The following RIMS1 variants were observed in gnomAD, a reference collection of about 807,000 sequenced individuals.
RIMS1 encodes the protein regulating synaptic membrane exocytosis 1.
RIMS1 carries 83 observed loss-of-function variants against 214.1 expected under a neutral mutation model. The ratio of observed to expected loss-of-function variants is 0.39; its 90% CI spans 0.32 to 0.47. The LOEUF (loss-of-function observed/expected upper bound fraction) is 0.47, where lower values mean the gene tolerates loss of function less well. Ranked by LOEUF, RIMS1 falls within the 20% of genes least tolerant of loss-of-function variation. The pLI, the probability that RIMS1 is intolerant of heterozygous loss-of-function variation, is 0.99. For missense variants in RIMS1, 2,050 were observed against 2,161.8 expected (o/e 0.95, Z 1.03); for synonymous variants, 793 against 786.8 (o/e 1.01, Z -0.13).
intron 2 of RIMS1, among the ~76,000 whole-genome samples, chr6:72,059,567 G>A (rs1016942909): frequency 1.3e-5 from 2 of 152,086 alleles, no homozygotes; most frequent in Admixed American, 6.5e-5. Context: ...AATCATATTG[G>A]TTTAGACTTG....
chr6:72,130,379 G>A (rs916859489), intron 4 of RIMS1, among the ~76,000 whole-genome samples: 2 of 151,888 alleles, frequency 1.3e-5, no homozygotes, highest in African/African-American at 2.4e-5. Flanking sequence ...TTTCTGTGAG[G>A]TTTGAATATT....
rs1453713089 is a variant in RIMS1 at position 72,153,014 on chromosome 6, ATATG to A, written c.472-26559_472-26556del. 2.5e-3 allele frequency among the ~76,000 whole-genome samples: 18 copies of A among 7,072 alleles called. 1 individual carries two copies. The Non-Finnish European group carries it at 0.043, about 17-fold the overall frequency. The allele number at this position is 7,072 out of a possible 152,430, so 4.6% of individuals were successfully genotyped here. On this transcript the variant is annotated intron_variant, in intron 4 of 33. Transcript: ENST00000521978. ...GGAATATATGTTTATATATGTATAT[ATATG>A]TGTGTGTGTATATATGTGTGTGTGT... is the stretch of plus-strand genomic sequence containing the variant.
At chr6:72,357,891 A>G (rs1242679102) in intron 29 of RIMS1, among the ~76,000 whole-genome samples, 1 of 152,212 alleles carries the variant, frequency 6.6e-6, no homozygotes, top group Non-Finnish European at 1.5e-5. Flanking sequence ...AGATAAACAT[A>G]TATTAGGTCT....
chr6:72,121,518 T>G (rs979813031), intron 4 of RIMS1, among the ~76,000 whole-genome samples: 8 of 151,946 alleles, frequency 5.3e-5, no homozygotes, highest in Admixed American at 3.3e-4. Flanking sequence ...CTGAGACTTT[T>G]CTGAAGTTGC....
intron 13 of RIMS1, 87 bp downstream of exon 13, chr6:72,250,547 A>G (rs1288888893): frequency 1.0e-6 from 1 of 956,652 alleles, no homozygotes; most frequent in African/African-American, 1.7e-5. Context: ...TTTTTAAAAA[A>G]TATAATAGAT....
chr6:72,328,552 AAAAAC>A (rs1370064175), intron 28 of RIMS1, among the ~76,000 whole-genome samples: 3 of 151,810 alleles, frequency 2.0e-5, no homozygotes, highest in Non-Finnish European at 2.9e-5. Flanking sequence ...ACAAAAGTAT[AAAAAC>A]AAAATACCTT....
At chr6:71,914,805 A>G (rs964887487) in intron 1 of RIMS1, among the ~76,000 whole-genome samples, 3 of 152,140 alleles carry the variant, frequency 2.0e-5, no homozygotes, top group African/African-American at 7.2e-5. Context: ...TCTGATTACA[A>G]GCTTCTCAAA....
intron 2 of RIMS1, among the ~76,000 whole-genome samples, chr6:72,089,076 T>TG (rs1383131426): frequency 6.6e-6 from 1 of 152,070 alleles, no homozygotes; most frequent in East Asian, 1.9e-4. Context: ...TTGACATAGA[T>TG]TAGAGGATTG....
chr6:72,087,970 TTAA>T (rs1835105226), intron 2 of RIMS1, among the ~76,000 whole-genome samples: 1 of 152,178 alleles, frequency 6.6e-6, no homozygotes, highest in African/African-American at 2.4e-5. Flanking sequence ...ATTTCTGCTG[TTAA>T]TTATCAGTAC....
In RIMS1 at chr6:72,196,604, A is replaced by C. The variant is rs1186733208; in HGVS notation, c.1678+13455A>C. Among the ~76,000 whole-genome samples, 17 of 6,654 alleles carry C rather than the reference A, an allele frequency of 2.6e-3. 1 individual carries two copies. The highest frequency in any genetic ancestry group is 5.1e-3 in the African/African-American group (8 of 1,570). The allele number at this position is 6,654 out of a possible 152,430, so 4.4% of individuals were successfully genotyped here. On this transcript the variant is annotated intron_variant, in intron 6 of 33. Transcript: ENST00000521978. ...ACTTTTTTTTTTTTTTTTTTTTTTT[A>C]CCTATACAGGAAATGGGTTAAAAGG...
chr6:72,202,357 C>A (rs1334380352), intron 6 of RIMS1, among the ~76,000 whole-genome samples: 2 of 152,116 alleles, frequency 1.3e-5, no homozygotes, highest in Non-Finnish European at 2.9e-5. Flanking sequence ...TGTTCCAGGC[C>A]TTTCTCCCTG....
At chr6:72,174,207 G>C (rs933536466) in intron 4 of RIMS1, among the ~76,000 whole-genome samples, 1 of 152,092 alleles carries the variant, frequency 6.6e-6, no homozygotes, top group Non-Finnish European at 1.5e-5. Flanking sequence ...GAAATTCATT[G>C]TTATCTCCCT....
chr6:72,247,952 A>G, intron 11 of RIMS1, 63 bp from the exon 12 acceptor site: 2 of 1,091,712 alleles, frequency 1.8e-6, no homozygotes, highest in Non-Finnish European at 2.8e-6. Context: ...GGATGCATTT[A>G]ACATTTTATT....
intron 4 of RIMS1, among the ~76,000 whole-genome samples, chr6:72,121,199 G>C (rs570046151): frequency 6.6e-6 from 1 of 151,824 alleles, no homozygotes; most frequent in African/African-American, 2.4e-5. Context: ...GAAAATCATT[G>C]GTAGCTTGAT....
In RIMS1 at chr6:72,097,012, G is replaced by T. The variant is rs1190764396; in HGVS notation, c.309G>T (p.Arg103=). The change falls in exon 3 of 34, where the codon CGG becomes CGT. Residue 103 remains arginine, a synonymous_variant. Transcript: ENST00000521978. ...TGAGAAAAATAGGGGAAGAAGCGCG[G>T]CGTTACCAGGGCGAGCACAAAGACG... is the stretch of plus-strand genomic sequence containing the variant. ...EQVRKIGEEA[R]RYQGEHKDDA... 6.2e-7 allele frequency: 1 copy of T among 1,613,936 alleles called. No homozygotes were observed. The highest frequency in any genetic ancestry group is 1.7e-5 in the Admixed American group (1 of 60,014).
intron 4 of RIMS1, among the ~76,000 whole-genome samples, chr6:72,177,076 A>G (rs1403770790): frequency 1.3e-5 from 2 of 152,204 alleles, no homozygotes; most frequent in Non-Finnish European, 2.9e-5. Context: ...AATGAAGAGT[A>G]TCCTTTACCC....
At chr6:72,227,058 T>C (rs1386901600) in intron 6 of RIMS1, among the ~76,000 whole-genome samples, 1 of 152,030 alleles carries the variant, frequency 6.6e-6, no homozygotes, top group Non-Finnish European at 1.5e-5. Flanking sequence ...GATTTAGGAT[T>C]AGTCACAAGT....
At chr6:72,036,414 A>G (rs542938034) in intron 2 of RIMS1, among the ~76,000 whole-genome samples, 1 of 152,234 alleles carries the variant, frequency 6.6e-6, no homozygotes, top group Admixed American at 6.5e-5. Flanking sequence ...CCCTGCACTT[A>G]TCTATTCATT....
At chr6:72,122,991 T>C (rs1376069233) in intron 4 of RIMS1, among the ~76,000 whole-genome samples, 1 of 151,918 alleles carries the variant, frequency 6.6e-6, no homozygotes, top group Non-Finnish European at 1.5e-5. Flanking sequence ...GCTCAGATCT[T>C]AGTTTTTTCT....
Sources: allele counts gnomAD v4.1 joint callset (sites outside exome capture counted in the v4.1 genomes callset), GRCh38; gene constraint gnomAD v4.1.1; transcripts MANE v1.5; gene names NCBI Gene and HGNC (gene_info 2026-07-23, HGNC 2026-07-21).